Variants in FCHSD2 observed in about 807,000 individuals in gnomAD.
FCHSD2 encodes F-BAR and double SH3 domains protein 2.
A neutral mutation model predicts 108.1 loss-of-function variants in FCHSD2; 38 were observed. The observed-to-expected ratio is 0.35, with a 90% CI of 0.27 to 0.46. The LOEUF (loss-of-function observed/expected upper bound fraction) is 0.46. Ranked by LOEUF, FCHSD2 falls within the 20% of genes least tolerant of loss-of-function variation. The pLI, the probability that FCHSD2 is intolerant of heterozygous loss-of-function variation, is 1.00. For missense variants in FCHSD2, 751 were observed against 897.8 expected, an observed-to-expected ratio of 0.84 and a Z score of 2.09; for synonymous variants, 279 against 314.7, an observed-to-expected ratio of 0.89 and a Z score of 1.20.
At chr11:72,881,461 T>G (rs12799445) in intron 12 of FCHSD2, among the ~76,000 whole-genome samples, 42,123 of 152,122 alleles carry the variant, frequency 0.28, 6,091 homozygotes, top group African/African-American at 0.36. Context: ...AGTACAGCTA[T>G]TATGGAAAAC....
chr11:72,900,231 C>T, intron 10 of FCHSD2: 3 of 1,292,918 alleles, frequency 2.3e-6, no homozygotes, highest in Non-Finnish European at 2.2e-6. Flanking sequence ...CCCATCCCTC[C>T]CGCCCTTGAC....
At chr11:73,058,005 G>A (rs546496104) in intron 3 of FCHSD2, among the ~76,000 whole-genome samples, 49 of 151,266 alleles carry the variant, frequency 3.2e-4, no homozygotes, top group African/African-American at 1.1e-3. Context: ...TCAGCTTCCC[G>A]AGTAGCTGGG....
At chr11:73,016,199 A>T (rs1479461185) in intron 3 of FCHSD2, among the ~76,000 whole-genome samples, 1 of 151,434 alleles carries the variant, frequency 6.6e-6, no homozygotes, top group Non-Finnish European at 1.5e-5. Flanking sequence ...GCTACTTGGG[A>T]GGCTGAGGCA....
intron 3 of FCHSD2, among the ~76,000 whole-genome samples, chr11:73,031,956 G>C (rs1422331055): frequency 6.6e-6 from 1 of 151,918 alleles, no homozygotes; most frequent in Non-Finnish European, 1.5e-5. Context: ...TTCTGCCAGG[G>C]ATTAATTTAA....
intron 8 of FCHSD2, among the ~76,000 whole-genome samples, chr11:72,938,691 G>A (rs939511757): frequency 3.9e-5 from 6 of 151,974 alleles, no homozygotes; most frequent in African/African-American, 1.5e-4. Context: ...TCTTTTACTC[G>A]TATTCTACAC....
At chr11:72,845,009 G>A (rs1391632434) in intron 14 of FCHSD2, among the ~76,000 whole-genome samples, 1 of 152,136 alleles carries the variant, frequency 6.6e-6, no homozygotes, top group African/African-American at 2.4e-5. Context: ...AGGCATTTTT[G>A]TAATAAAAAT....
intron 3 of FCHSD2, among the ~76,000 whole-genome samples, chr11:73,081,956 A>G (rs1859697664): frequency 6.6e-6 from 1 of 152,180 alleles, no homozygotes; most frequent in Admixed American, 6.6e-5. Context: ...TAATCCCAGC[A>G]CTTAGGGAGG....
intron 5 of FCHSD2, 64 bp downstream of exon 5, chr11:73,000,926 T>G (rs1421073579): frequency 7.2e-7 from 1 of 1,383,814 alleles, no homozygotes; most frequent in Non-Finnish European, 9.9e-7. Context: ...AGCATAACCT[T>G]GCAGATTATA....
intron 2 of FCHSD2, among the ~76,000 whole-genome samples, chr11:73,101,920 C>T (rs1315500754): frequency 1.3e-5 from 2 of 152,136 alleles, no homozygotes; most frequent in East Asian, 3.9e-4. Flanking sequence ...AACAGATTTG[C>T]TTTCAAGGAA....
intron 4 of FCHSD2, among the ~76,000 whole-genome samples, chr11:73,006,073 A>T (rs914665633): frequency 6.8e-6 from 1 of 147,296 alleles, no homozygotes; most frequent in Non-Finnish European, 1.5e-5. Flanking sequence ...GCATGTGGCT[A>T]TTTTTTTTTT....
intron 2 of FCHSD2, among the ~76,000 whole-genome samples, chr11:73,097,276 G>C (rs1591550675): frequency 6.6e-6 from 1 of 151,444 alleles, no homozygotes; most frequent in East Asian, 1.9e-4. Flanking sequence ...GTGGCTCCCT[G>C]GGATTGCAGG....
chr11:73,045,669 C>G (rs553968688), intron 3 of FCHSD2, among the ~76,000 whole-genome samples: 2 of 148,208 alleles, frequency 1.3e-5, no homozygotes, highest in Admixed American at 6.8e-5. Flanking sequence ...ATCGCAAGAA[C>G]AAAAAACCAA....
intron 8 of FCHSD2, among the ~76,000 whole-genome samples, chr11:72,959,526 C>T (rs950884586): frequency 6.6e-6 from 1 of 152,006 alleles, no homozygotes; most frequent in South Asian, 2.1e-4. Flanking sequence ...TGAGCCACCA[C>T]GCCTGGCCCC....
At chr11:73,087,685 A>G (rs1316563168) in intron 2 of FCHSD2, among the ~76,000 whole-genome samples, 2 of 151,968 alleles carry the variant, frequency 1.3e-5, no homozygotes, top group Non-Finnish European at 2.9e-5. Context: ...AGCCTGGGCA[A>G]CAGAGCGAGG....
Position 72,843,267 on chromosome 11 carries a change from G to A in FCHSD2, c.1589C>T (p.Ser530Leu), listed in dbSNP as rs750274468. 1.9e-6 allele frequency: 3 copies of A among 1,613,998 alleles called. No individual in the cohort carries two copies. Among genetic ancestry groups the A allele is most frequent in the Non-Finnish European group, 2.5e-6 (3 of 1,179,890 alleles). Residue 530 changes from serine (S) to leucine (L), a missense_variant, in exon 16 of 20, where the codon TCG becomes TTG. Transcript: ENST00000409418. ...VPEKYLQFPT[S>L]NSLLSMLQSL... Reference sequence around the variant, plus strand: ...CTGCAGCATGCTCAGGAGGCTGTTCGAGGTGGGAAACTGTAGGTACTTTTC... The same window carrying A: ...CTGCAGCATGCTCAGGAGGCTGTTCAAGGTGGGAAACTGTAGGTACTTTTC...
At chr11:73,121,784 C>T (rs1233154081) in intron 2 of FCHSD2, among the ~76,000 whole-genome samples, 1 of 152,052 alleles carries the variant, frequency 6.6e-6, no homozygotes, top group Non-Finnish European at 1.5e-5. Flanking sequence ...TGAGAATCAC[C>T]TAAAAGTGAT....
At chr11:72,899,168 C>A (rs967593943) in intron 10 of FCHSD2, among the ~76,000 whole-genome samples, 6 of 152,134 alleles carry the variant, frequency 3.9e-5, no homozygotes, top group South Asian at 2.1e-4. Flanking sequence ...ATGTCTAGCA[C>A]GAAATAAATG....
At chr11:73,015,552 G>C (rs898671268) in intron 4 of FCHSD2, among the ~76,000 whole-genome samples, 4 of 150,988 alleles carry the variant, frequency 2.6e-5, no homozygotes, top group Admixed American at 2.6e-4. Flanking sequence ...TTCAATTGGG[G>C]GTATAATTAA....
chr11:72,931,635 G>A (rs1856194455), intron 8 of FCHSD2, among the ~76,000 whole-genome samples: 1 of 151,544 alleles, frequency 6.6e-6, no homozygotes, highest in Non-Finnish European at 1.5e-5. Context: ...CGCAGTGGCA[G>A]GCATCTGTAA....
Sources: gnomAD v4.1 joint callset for allele counts (sites outside exome capture counted in the v4.1 genomes callset) on GRCh38, gnomAD v4.1.1 for gene constraint, MANE v1.5 for transcripts, NCBI Gene and HGNC (gene_info 2026-07-23, HGNC 2026-07-21) for gene names.